The following TBC1D15 variants were observed in gnomAD, a reference collection of about 807,000 sequenced individuals.
The protein encoded by TBC1D15 is GAP for RAB7.
A neutral mutation model predicts 95.4 loss-of-function variants in TBC1D15; 39 were observed. The observed-to-expected ratio is 0.41, with a 90% CI of 0.32 to 0.53. TBC1D15 has a LOEUF of 0.53. Among genes scored for constraint, TBC1D15 ranks in the 20% least tolerant of loss-of-function variants. TBC1D15 has a pLI of 0.29. For missense variants in TBC1D15, 733 were observed against 794.3 expected (o/e 0.92, Z 0.93); for synonymous variants, 258 against 261.3 (o/e 0.99, Z 0.12).
chr12:71,882,512 A>G (rs1455231105), intron 4 of TBC1D15, among the ~76,000 whole-genome samples: 2 of 152,202 alleles, frequency 1.3e-5, no homozygotes, highest in African/African-American at 4.8e-5. Flanking sequence ...TAGTTTTTAC[A>G]TGTATTTGGT....
chr12:71,921,373 C>A lies in TBC1D15; in HGVS notation c.1722C>A (p.Ile574=). The A allele has an allele frequency of 6.4e-7, 1 of 1,551,018 alleles. No individual in the cohort carries two copies. Residue 574 remains isoleucine (I), a synonymous_variant, in exon 16 of 17, where the codon ATC becomes ATA. Transcript: ENST00000485960. The stretch of plus-strand genomic sequence containing the variant: ...ATTTTGTTGATACTTTTTAGCATAT[C>A]AATGAATTGTCCATGAAAATTGATG... ...HYGFNEILKH[I]NELSMKIDVE... is the part of the protein sequence containing the mutation.
In TBC1D15 at chr12:71,864,011, C is replaced by A. The variant is rs187961551; in HGVS notation, c.31-8059C>A. On this transcript the variant is annotated intron_variant, in intron 1 of 16. Coordinates refer to ENST00000485960, the MANE Select transcript of TBC1D15 (RefSeq NM_001146213.3). The stretch of plus-strand genomic sequence containing the variant: ...TATTTTGAATTCCTTTTGTTGATTT[C>A]TTTTTCACTAGGGTCTGCTACTAGA... Among the ~76,000 whole-genome samples, 19 of 149,036 alleles carry A rather than the reference C, an allele frequency of 1.3e-4. 1 individual carries two copies. In the East Asian group the frequency reaches 3.5e-3, roughly 28 times the overall value.
intron 1 of TBC1D15, chr12:71,849,821 T>C (rs760830135): frequency 1.1e-4 from 63 of 552,194 alleles, no homozygotes; most frequent in Non-Finnish European, 1.8e-4. Flanking sequence ...CTAACTCTAA[T>C]AGACTTTTGC....
intron 1 of TBC1D15, among the ~76,000 whole-genome samples, chr12:71,868,182 T>A (rs1302956169): frequency 6.6e-6 from 1 of 151,978 alleles, no homozygotes; most frequent in Non-Finnish European, 1.5e-5. Context: ...TATAATTTGT[T>A]CCTCAAAAAG....
chr12:71,898,797 A>G (rs554728778), intron 10 of TBC1D15, among the ~76,000 whole-genome samples: 1 of 152,304 alleles, frequency 6.6e-6, no homozygotes, highest in South Asian at 2.1e-4. Context: ...TTTTTAAATT[A>G]TATTTAGAAA....
intron 11 of TBC1D15, among the ~76,000 whole-genome samples, chr12:71,908,956 C>G (rs1901496521): frequency 6.6e-6 from 1 of 152,140 alleles, no homozygotes; most frequent in Admixed American, 6.5e-5. Flanking sequence ...ATTTTAGTTT[C>G]TGTTACCACT....
chr12:71,921,530 GAAATA>G (rs1386101847), intron 16 of TBC1D15, 76 bp downstream of exon 16: 4 of 882,778 alleles, frequency 4.5e-6, no homozygotes, highest in South Asian at 2.9e-5. Flanking sequence ...TTTCTTCTTG[GAAATA>G]AAATAGCAAC....
intron 12 of TBC1D15, among the ~76,000 whole-genome samples, chr12:71,915,416 G>C (rs1205476162): frequency 8.4e-5 from 12 of 142,648 alleles, no homozygotes; most frequent in African/African-American, 2.1e-4. Flanking sequence ...TCTTTCCCCA[G>C]TGATTAGTTT....
In TBC1D15 at chr12:71,923,107, G is replaced by A; in HGVS notation, c.1928G>A (p.Ser643Asn). The change falls in exon 17 of 17, where the codon AGT becomes AAT. Residue 643 changes from serine to asparagine, a missense_variant. By Grantham distance (46) the Ser-to-Asn change is conservative. Transcript: ENST00000485960. Reference protein sequence around the residue: ...MTPCPTSAFQSNALPTLSASG... With the variant: ...MTPCPTSAFQNNALPTLSASG... ...CCTTGTCCTACATCTGCATTTCAAAGTAATGCCTTGCCTACACTCTCTGCC... is the reference window on the plus strand; with the variant it reads ...CCTTGTCCTACATCTGCATTTCAAAATAATGCCTTGCCTACACTCTCTGCC... The A allele has an allele frequency of 2.5e-6, 4 of 1,614,156 alleles. No homozygotes were observed. Among genetic ancestry groups the A allele is most frequent in the Non-Finnish European group, 3.4e-6 (4 of 1,180,026 alleles).
chr12:71,898,677 C>A (rs1490307166), intron 10 of TBC1D15, among the ~76,000 whole-genome samples: 1 of 152,086 alleles, frequency 6.6e-6, no homozygotes, highest in Non-Finnish European at 1.5e-5. Context: ...AGTACTGGAA[C>A]TTAGTTTTGA....
Position 71,897,953 on chromosome 12 carries a change from T to G in TBC1D15, c.1183+12T>G, listed in dbSNP as rs757291546. 2 of 1,600,526 alleles carry G rather than the reference T, an allele frequency of 1.2e-6. No homozygotes were observed. The highest frequency in any genetic ancestry group is 4.5e-5 in the East Asian group (2 of 44,628). On this transcript the variant is annotated intron_variant, in intron 10 of 16. Coordinates refer to ENST00000485960, the MANE Select transcript of TBC1D15 (RefSeq NM_001146213.3). ...TAGAAGTCTTATCGGTAATTTTTTC[T>G]TAACAACTTTGGAAATGCAAGGGGG...
chr12:71,881,593 T>C (rs779517333), intron 4 of TBC1D15, among the ~76,000 whole-genome samples: 1 of 152,200 alleles, frequency 6.6e-6, no homozygotes, highest in Non-Finnish European at 1.5e-5. Context: ...ATCCTGCTTA[T>C]GGCTTGACCA....
At chr12:71,864,641 G>T (rs1891099037) in intron 1 of TBC1D15, among the ~76,000 whole-genome samples, 1 of 152,028 alleles carries the variant, frequency 6.6e-6, no homozygotes, top group Non-Finnish European at 1.5e-5. Context: ...CGGGTAGCTG[G>T]GATTACAGGC....
intron 11 of TBC1D15, among the ~76,000 whole-genome samples, chr12:71,912,058 C>T (rs948811099): frequency 6.6e-6 from 1 of 152,090 alleles, no homozygotes; most frequent in African/African-American, 2.4e-5. Context: ...GGCTCAGTAA[C>T]GTAGTACTCT....
At chr12:71,911,394 C>G (rs528136943) in intron 11 of TBC1D15, among the ~76,000 whole-genome samples, 1 of 151,832 alleles carries the variant, frequency 6.6e-6, no homozygotes, top group African/African-American at 2.4e-5. Flanking sequence ...TAATGATAGA[C>G]TGGATTAAGA....
rs752405330 is a variant in TBC1D15, at chr12:71,893,304, C to T, written c.637C>T (p.Pro213Ser). 1 of 1,608,470 alleles carries T rather than the reference C, an allele frequency of 6.2e-7. No individual in the cohort carries two copies. The highest frequency in any genetic ancestry group is 8.5e-7 in the Non-Finnish European group (1 of 1,176,760). ...SQSFENLLDE[P>S]AYGLIQKIKK... ...GTCTTTTGAAAATCTTCTTGATGAG[C>T]CAGCATATGGTTTAATACAAGTATG... The change falls in exon 6 of 17, where the codon CCA becomes TCA. Residue 213 changes from proline to serine, a missense_variant. Transcript: ENST00000485960.
chr12:71,843,085 G>T (rs1333204829), intron 1 of TBC1D15, among the ~76,000 whole-genome samples: 1 of 152,032 alleles, frequency 6.6e-6, no homozygotes, highest in Non-Finnish European at 1.5e-5. Flanking sequence ...GGGAGTTTGA[G>T]ACCAGCCTGG....
intron 10 of TBC1D15, among the ~76,000 whole-genome samples, chr12:71,903,934 T>A (rs1268398201): frequency 6.6e-6 from 1 of 152,220 alleles, no homozygotes; most frequent in Non-Finnish European, 1.5e-5. Context: ...CAAAGCTATC[T>A]GTACACCAAA....
chr12:71,850,049 C>T (rs1473401527), intron 1 of TBC1D15: 1 of 520,426 alleles, frequency 1.9e-6, no homozygotes, highest in African/African-American at 2.0e-5. Context: ...GAAGAGAGTT[C>T]CCGGAACAGC....
Sources: allele counts gnomAD v4.1 joint callset (sites outside exome capture counted in the v4.1 genomes callset), GRCh38; gene constraint gnomAD v4.1.1; transcripts MANE v1.5; gene names NCBI Gene and HGNC (gene_info 2026-07-23, HGNC 2026-07-21).